SLC35D4: variants seen among roughly 807,000 people sequenced by gnomAD.
The protein encoded by SLC35D4 is solute carrier family 35 member D4.
At chr18:23,274,022 T>A in the SLC35D4 span, among the ~76,000 whole-genome samples, 1 of 152,146 alleles carries the variant, frequency 6.6e-6, no homozygotes, top group Non-Finnish European at 1.5e-5. Flanking sequence ...AGCCTCAACC[T>A]CCTCAGCTCA....
At chr18:23,253,006 T>C in the SLC35D4 span, 1 of 1,613,864 alleles carries the variant, frequency 6.2e-7, no homozygotes, top group Non-Finnish European at 8.5e-7. Context: ...AAGAAGGACA[T>C]GAACGAGACC....
At chr18:23,437,748 T>G in the SLC35D4 span, 1 of 1,601,420 alleles carries the variant, frequency 6.2e-7, no homozygotes, top group South Asian at 1.1e-5. Context: ...ACCTCCCACG[T>G]GCAATCGCTG....
the SLC35D4 span, among the ~76,000 whole-genome samples, chr18:23,425,789 T>C: frequency 2.0e-5 from 3 of 152,332 alleles, no homozygotes. Flanking sequence ...AACAATCATA[T>C]ACAGATTATT....
the SLC35D4 span, among the ~76,000 whole-genome samples, chr18:23,242,651 C>A: frequency 6.6e-6 from 1 of 152,156 alleles, no homozygotes; most frequent in East Asian, 1.9e-4. Flanking sequence ...TTTCTGGATT[C>A]TTTTCTTCTG....
chr18:23,340,402 AT>A, the SLC35D4 span, among the ~76,000 whole-genome samples: 1 of 152,030 alleles, frequency 6.6e-6, no homozygotes, highest in Non-Finnish European at 1.5e-5. Flanking sequence ...CCAGCAGTAC[AT>A]TATGACATAG....
At chr18:23,365,875 G>C in the SLC35D4 span, among the ~76,000 whole-genome samples, 2 of 152,206 alleles carry the variant, frequency 1.3e-5, no homozygotes, top group African/African-American at 4.8e-5. Flanking sequence ...TCTTGGGACA[G>C]GCTTGGGACA....
At chr18:23,256,880 T>C in the SLC35D4 span, among the ~76,000 whole-genome samples, 50 of 152,268 alleles carry the variant, frequency 3.3e-4, no homozygotes, top group Admixed American at 3.3e-4. Context: ...TGCAATTGGC[T>C]ACACATGTGA....
the SLC35D4 span, among the ~76,000 whole-genome samples, chr18:23,435,774 C>T: frequency 6.6e-6 from 1 of 152,228 alleles, no homozygotes; most frequent in East Asian, 1.9e-4. Flanking sequence ...CCACTCACTG[C>T]AACCTCCGCC....
the SLC35D4 span, among the ~76,000 whole-genome samples, chr18:23,388,127 G>T: frequency 1.9e-4 from 29 of 152,190 alleles, no homozygotes; most frequent in African/African-American, 7.0e-4. Context: ...CAGTAATGAG[G>T]TCAGATAATT....
the SLC35D4 span, among the ~76,000 whole-genome samples, chr18:23,352,939 G>A: frequency 1.4e-4 from 22 of 152,376 alleles, no homozygotes; most frequent in East Asian, 1.9e-3. Flanking sequence ...CGAGGGCACA[G>A]CAGTGGATGG....
chr18:23,433,799 T>TA, the SLC35D4 span, among the ~76,000 whole-genome samples: 69 of 150,760 alleles, frequency 4.6e-4, no homozygotes, highest in African/African-American at 1.4e-3. Context: ...AAAATTACAC[T>TA]AAAAAAAATG....
At chr18:23,292,284 T>C in the SLC35D4 span, among the ~76,000 whole-genome samples, 7 of 152,222 alleles carry the variant, frequency 4.6e-5, no homozygotes, top group South Asian at 2.1e-4. Context: ...TGCCATTGCC[T>C]GCAACCAAGC....
At chr18:23,370,167 C>G in the SLC35D4 span, 1 of 1,531,900 alleles carries the variant, frequency 6.5e-7, no homozygotes, top group South Asian at 1.2e-5. Context: ...CCATTGCACT[C>G]CAACAAGAGC....
the SLC35D4 span, among the ~76,000 whole-genome samples, chr18:23,255,716 C>T: frequency 1.1e-4 from 16 of 152,024 alleles, no homozygotes; most frequent in East Asian, 1.7e-3. Context: ...TGTACCACTG[C>T]GCCTGGCTAA....
chr18:23,313,056 G>A, the SLC35D4 span, among the ~76,000 whole-genome samples: 2 of 145,198 alleles, frequency 1.4e-5, no homozygotes, highest in African/African-American at 5.2e-5. Context: ...GAACCCGGGA[G>A]AGGGAGCATG....
At chr18:23,377,604 A>T in the SLC35D4 span, 1 of 1,558,934 alleles carries the variant, frequency 6.4e-7, no homozygotes, top group South Asian at 1.3e-5. Context: ...AATAGGTTAA[A>T]TCTTATATTA....
chr18:23,314,472 C>G, the SLC35D4 span, among the ~76,000 whole-genome samples: 1 of 152,174 alleles, frequency 6.6e-6, no homozygotes. Flanking sequence ...GGGGGGGCTA[C>G]TAAGTGCTCT....
At chr18:23,256,913 C>A in the SLC35D4 span, among the ~76,000 whole-genome samples, 1 of 152,248 alleles carries the variant, frequency 6.6e-6, no homozygotes, top group Non-Finnish European at 1.5e-5. Flanking sequence ...TCTCTGACTT[C>A]TTGGAGCCCG....
chr18:23,361,178 A>T, the SLC35D4 span, among the ~76,000 whole-genome samples: 1 of 151,786 alleles, frequency 6.6e-6, no homozygotes, highest in African/African-American at 2.4e-5. Flanking sequence ...AAAAGAATTG[A>T]GCCCTGCTGT....
Sources: allele counts gnomAD v4.1 joint callset (sites outside exome capture counted in the v4.1 genomes callset), GRCh38; gene constraint gnomAD v4.1.1; transcripts MANE v1.5; gene names NCBI Gene and HGNC (gene_info 2026-07-23, HGNC 2026-07-21).